Variants in KIAA0586 observed in about 807,000 individuals in gnomAD.
The protein encoded by KIAA0586 is KIAA0586, also known as protein TALPID3.
A neutral mutation model predicts 169.8 loss-of-function variants in KIAA0586; 144 were observed. That is an observed-to-expected ratio of 0.85 (90% confidence interval 0.74 to 0.97). KIAA0586 has a LOEUF of 0.97. Among genes scored for constraint, KIAA0586 ranks in the 50% least tolerant of loss-of-function variants. KIAA0586 has a pLI of 0.00. For synonymous variants in KIAA0586, 625 were observed against 612.4 expected (o/e 1.02, Z -0.30); for missense variants, 1,854 against 1,823.0 (o/e 1.02, Z -0.31).
At position 58,492,225 on chromosome 14, in the gene KIAA0586, A is replaced by G. The variant is rs1270703288; in HGVS notation, c.3940A>G (p.Lys1314Glu). The G allele has an allele frequency of 1.3e-6, 2 of 1,551,250 alleles. No individual in the cohort carries two copies. Among genetic ancestry groups the G allele is most frequent in the African/African-American group, 1.4e-5 (1 of 73,196 alleles). The change falls in exon 26 of 31, where the codon AAA becomes GAA. Residue 1314 changes from lysine to glutamate, a missense_variant. Physicochemically the swap from Lys to Glu is moderately conservative, Grantham distance 56 (BLOSUM62 1). Coordinates refer to ENST00000652326, the MANE Select transcript of KIAA0586 (RefSeq NM_001329943.3). ...FHADAILSFA[K>E]QNQESAVSQQ... ...TGCAGATGCAATTCTTTCTTTTGCTAAACAAAACCAGGAGTCAGCAGTTTC... is the reference window on the plus strand; with the variant it reads ...TGCAGATGCAATTCTTTCTTTTGCTGAACAAAACCAGGAGTCAGCAGTTTC...
chr14:58,460,468 A>C (rs1028000741), intron 13 of KIAA0586, among the ~76,000 whole-genome samples: 4 of 152,100 alleles, frequency 2.6e-5, no homozygotes, highest in Admixed American at 6.6e-5. Flanking sequence ...GCGTGGTACT[A>C]GATGGTATGG....
intron 29 of KIAA0586, chr14:58,539,770 C>T: frequency 4.7e-6 from 1 of 214,668 alleles, no homozygotes; most frequent in Non-Finnish European, 9.2e-6. Context: ...AGAAATGGCC[C>T]ATTAATTTCC....
intron 18 of KIAA0586, among the ~76,000 whole-genome samples, chr14:58,473,525 A>G (rs2041381472): frequency 6.6e-6 from 1 of 152,198 alleles, no homozygotes; most frequent in Non-Finnish European, 1.5e-5. Flanking sequence ...TGTAAATTAT[A>G]AGTTGTATAA....
At chr14:58,540,201 T>G in intron 30 of KIAA0586, 65 bp downstream of exon 30, 1 of 864,092 alleles carries the variant, frequency 1.2e-6, no homozygotes, top group Non-Finnish European at 1.9e-6. Context: ...TTCCTGATGA[T>G]TCTTTCTCTC....
At chr14:58,468,783 T>C (rs909067628) in intron 16 of KIAA0586, among the ~76,000 whole-genome samples, 1 of 152,250 alleles carries the variant, frequency 6.6e-6, no homozygotes, top group Non-Finnish European at 1.5e-5. Context: ...ACTTTTTGGC[T>C]GATTTACTCC....
At position 58,470,655 on chromosome 14, in the gene KIAA0586, G is replaced by A. The variant is rs750346618; in HGVS notation, c.2485G>A (p.Ala829Thr). The change falls in exon 17 of 31, where the codon GCT (alanine) becomes ACT (threonine). Residue 829 changes from alanine to threonine, a missense_variant. Ala to Thr is a moderately conservative substitution (Grantham distance 58). Coordinates refer to ENST00000652326, the MANE Select transcript of KIAA0586 (RefSeq NM_001329943.3). Reference protein sequence around the residue: ...VDIDSISNSSADVLSPLSSPK... With the variant: ...VDIDSISNSSTDVLSPLSSPK... Reference sequence around the variant, plus strand: ...TATTGACAGCATTTCAAATAGTAGTGCTGATGTCCTTTCACCTCTGTCTAG... The same window carrying A: ...TATTGACAGCATTTCAAATAGTAGTACTGATGTCCTTTCACCTCTGTCTAG... 2.9e-5 allele frequency: 47 copies of A among 1,608,632 alleles called. No individual in the cohort carries two copies. The highest frequency in any genetic ancestry group is 8.5e-7 in the Non-Finnish European group (1 of 1,176,220).
intron 30 of KIAA0586, among the ~76,000 whole-genome samples, chr14:58,543,271 T>C (rs1031894384): frequency 2.6e-5 from 4 of 152,304 alleles, no homozygotes; most frequent in East Asian, 1.9e-4. Flanking sequence ...CTTTTACCTA[T>C]TTTTCTTTAT....
intron 18 of KIAA0586, 27 bp downstream of exon 18, chr14:58,472,306 A>T: frequency 7.5e-7 from 1 of 1,332,262 alleles, no homozygotes; most frequent in South Asian, 1.5e-5. Flanking sequence ...ACCATGAGAA[A>T]TTATTTTTCT....
At chr14:58,557,802 G>A in the KIAA0586 span, among the ~76,000 whole-genome samples, 2 of 151,132 alleles carry the variant, frequency 1.3e-5, no homozygotes, top group African/African-American at 2.4e-5. Flanking sequence ...TGCTGGGGGA[G>A]ACCTTCAGAG....
chr14:58,535,693 T>A (rs1049201991), intron 29 of KIAA0586, among the ~76,000 whole-genome samples: 1 of 144,830 alleles, frequency 6.9e-6, no homozygotes, highest in Non-Finnish European at 1.5e-5. Flanking sequence ...CCTAATAATT[T>A]ATTGGATTTT....
chr14:58,529,897 G>A (rs939972744), intron 29 of KIAA0586, among the ~76,000 whole-genome samples: 1 of 152,130 alleles, frequency 6.6e-6, no homozygotes. Flanking sequence ...TATTCAAATA[G>A]GAAGGGAGGA....
intron 29 of KIAA0586, chr14:58,521,914 T>A (rs543380017): frequency 7.2e-7 from 1 of 1,379,716 alleles, no homozygotes; most frequent in African/African-American, 1.5e-5. Context: ...CCAGCTGGAG[T>A]TGATCAAGGA....
At chr14:58,520,210 A>G (rs1381155407) in intron 29 of KIAA0586, among the ~76,000 whole-genome samples, 1 of 152,214 alleles carries the variant, frequency 6.6e-6, no homozygotes, top group Non-Finnish European at 1.5e-5. Context: ...TATAATTCAC[A>G]TACTGTAAAA....
intron 20 of KIAA0586, among the ~76,000 whole-genome samples, chr14:58,479,840 A>G (rs568610331): frequency 3.3e-5 from 5 of 152,284 alleles, no homozygotes; most frequent in African/African-American, 1.2e-4. Flanking sequence ...AATTGGTTAT[A>G]TATGTGTGCA....
At chr14:58,480,083 G>A (rs368249224) in intron 20 of KIAA0586, among the ~76,000 whole-genome samples, 5 of 151,282 alleles carry the variant, frequency 3.3e-5, no homozygotes, top group Admixed American at 6.6e-5. Flanking sequence ...TTAACAGCCC[G>A]AATCCTAGAC....
chr14:58,428,369 G>C lies in KIAA0586; in HGVS notation c.105G>C (p.Leu35Phe). 6.2e-7 allele frequency: 1 copy of C among 1,613,962 alleles called. No individual in the cohort carries two copies. Among genetic ancestry groups the C allele is most frequent in the Non-Finnish European group, 8.5e-7 (1 of 1,179,878 alleles). The change falls in exon 1 of 31, where the codon TTG becomes TTC. Residue 35 changes from leucine (L) to phenylalanine (F), a missense_variant. Transcript: ENST00000652326. ...VSQNHGDHLV[L>F]LKDELPCVPP... ...AAAATCATGGAGATCATTTGGTTTT[G>C]CTGAAAGATGAGTTGCCCTGTGTTC...
intron 6 of KIAA0586, among the ~76,000 whole-genome samples, chr14:58,444,474 A>G (rs1035303934): frequency 1.3e-5 from 2 of 151,916 alleles, no homozygotes; most frequent in South Asian, 2.1e-4. Context: ...CCCAGGCTGA[A>G]GTACAGTAGT....
chr14:58,543,757 A>G (rs2046810456), intron 30 of KIAA0586: 1 of 345,484 alleles, frequency 2.9e-6, no homozygotes. Flanking sequence ...TCTTGACCCT[A>G]TTTCCACTGC....
intron 20 of KIAA0586, among the ~76,000 whole-genome samples, chr14:58,481,941 G>A (rs1336573181): frequency 2.0e-5 from 3 of 151,954 alleles, no homozygotes; most frequent in African/African-American, 7.2e-5. Flanking sequence ...AGCCTCCCGA[G>A]TAGCTGGGAC....
Sources: allele counts gnomAD v4.1 joint callset (sites outside exome capture counted in the v4.1 genomes callset), GRCh38; gene constraint gnomAD v4.1.1; transcripts MANE v1.5; gene names NCBI Gene and HGNC (gene_info 2026-07-23, HGNC 2026-07-21).